The following WDR31 variants were observed in gnomAD, a reference collection of about 807,000 sequenced individuals.
The protein encoded by WDR31 is WD repeat-containing protein 31.
WDR31 carries 30 observed loss-of-function variants against 47.3 expected under a neutral mutation model. The observed-to-expected ratio is 0.63, with a 90% CI of 0.47 to 0.86. The LOEUF (loss-of-function observed/expected upper bound fraction) is 0.86. Among genes scored for constraint, WDR31 ranks in the 40% least tolerant of loss-of-function variants. The pLI, the probability that WDR31 is intolerant of heterozygous loss-of-function variation, is 0.00. For synonymous variants in WDR31, 137 were observed against 159.4 expected, an observed-to-expected ratio of 0.86 and a Z score of 1.06; for missense variants, 406 against 442.9, an observed-to-expected ratio of 0.92 and a Z score of 0.75.
chr9:113,339,341 C>G (rs1395939338), intron 1 of WDR31, among the ~76,000 whole-genome samples: 1 of 152,182 alleles, frequency 6.6e-6, no homozygotes, highest in Non-Finnish European at 1.5e-5. Context: ...GCCGGGTGGA[C>G]TGGACCTTAT....
chr9:113,338,617 AT>A (rs35905911), intron 1 of WDR31, among the ~76,000 whole-genome samples: 45,418 of 138,844 alleles, frequency 0.33, 7,857 homozygotes, highest in South Asian at 0.44. Flanking sequence ...GTGGTACGCT[AT>A]TTTTTTTTTT....
At chr9:113,323,783 T>G (rs1236007971) in intron 5 of WDR31, among the ~76,000 whole-genome samples, 2 of 152,248 alleles carry the variant, frequency 1.3e-5, no homozygotes, top group African/African-American at 4.8e-5. Flanking sequence ...AACTTCCTCC[T>G]GTGGGATTCC....
chr9:113,320,111 G>T (rs1833292008), intron 9 of WDR31, among the ~76,000 whole-genome samples: 2 of 152,056 alleles, frequency 1.3e-5, no homozygotes, highest in South Asian at 2.1e-4. Context: ...ATAGAGACAG[G>T]GTCTTGCTCT....
At chr9:113,326,698 T>C (rs1045699464) in intron 5 of WDR31, among the ~76,000 whole-genome samples, 6 of 152,172 alleles carry the variant, frequency 3.9e-5, no homozygotes, top group African/African-American at 1.4e-4. Flanking sequence ...GGTCTTGAAC[T>C]CCTGAGCTCA....
chr9:113,329,169 C>T (rs1247804887), intron 4 of WDR31, among the ~76,000 whole-genome samples: 2 of 152,206 alleles, frequency 1.3e-5, no homozygotes, highest in African/African-American at 4.8e-5. Flanking sequence ...TCTCTGTCTC[C>T]CTCCGACACT....
chr9:113,334,420 A>G (rs1833672186), intron 2 of WDR31, among the ~76,000 whole-genome samples: 1 of 152,212 alleles, frequency 6.6e-6, no homozygotes, highest in African/African-American at 2.4e-5. Context: ...TTTGGAAAGT[A>G]TATTTATTTT....
intron 2 of WDR31, among the ~76,000 whole-genome samples, chr9:113,335,960 C>T (rs1331640610): frequency 2.6e-5 from 4 of 152,202 alleles, no homozygotes; most frequent in Non-Finnish European, 5.9e-5. Flanking sequence ...AGGTCCCTTC[C>T]ACTTCAGATA....
chr9:113,336,475 G>C (rs1833717789), intron 1 of WDR31, 35 bp from the exon 2 acceptor site: 1 of 152,166 alleles, frequency 6.6e-6, no homozygotes, highest in Non-Finnish European at 1.5e-5. Flanking sequence ...TAAAGACCTT[G>C]TTTATTAAAG....
chr9:113,328,367 T>G (rs2118826468), intron 5 of WDR31, among the ~76,000 whole-genome samples: 1 of 152,340 alleles, frequency 6.6e-6, no homozygotes, highest in African/African-American at 2.4e-5. Flanking sequence ...TAATTTTTGG[T>G]TCATTTAGGC....
At position 113,318,469 on chromosome 9, in the gene WDR31, G is replaced by C. The variant is rs1427365334; in HGVS notation, c.943+6C>G. 2.5e-6 allele frequency: 4 copies of C among 1,614,058 alleles called. No individual in the cohort carries two copies. The highest frequency in any genetic ancestry group is 3.4e-6 in the Non-Finnish European group (4 of 1,180,034). ...TTTTGAGGAGAACTAACAGCAGGCT[G>C]CTTACCTCCAGTATCTTGGTTCCAA... is the stretch of plus-strand genomic sequence containing the variant. On this transcript the variant is annotated splice_donor_region_variant and intron_variant, in intron 10 of 10. Coordinates refer to ENST00000374193, the MANE Select transcript of WDR31 (RefSeq NM_001012361.4).
chr9:113,314,021 G>T lies in WDR31; in HGVS notation c.*2728C>A, dbSNP rs1010389882. ...AAAAACACAAAAAAATTAGCCGGGC[G>T]TGATGGCGGGCGCCTGTAGTCCCAG... On this transcript the variant is annotated 3_prime_UTR_variant, in exon 11 of 11. Coordinates refer to ENST00000374193, the MANE Select transcript of WDR31 (RefSeq NM_001012361.4). 6.6e-6 allele frequency: 1 copy of T among 151,796 alleles called. No homozygotes were observed. Among genetic ancestry groups the T allele is most frequent in the East Asian group, 2.0e-4 (1 of 5,052 alleles). 9.4% of individuals were successfully genotyped at this position (151,796 alleles called of 1,614,324 possible).
At chr9:113,331,673 C>G (rs1015605350) in intron 3 of WDR31, among the ~76,000 whole-genome samples, 1 of 152,180 alleles carries the variant, frequency 6.6e-6, no homozygotes, top group Admixed American at 6.5e-5. Context: ...TCTCAAACTA[C>G]TGAGCTCAAG....
chr9:113,328,549 T>C (rs1416621321), intron 5 of WDR31, among the ~76,000 whole-genome samples: 1 of 152,214 alleles, frequency 6.6e-6, no homozygotes, highest in Non-Finnish European at 1.5e-5. Context: ...ATTTTGTCAC[T>C]TTCCTAGCTA....
chr9:113,320,860 T>G (rs1833312557), intron 8 of WDR31, among the ~76,000 whole-genome samples: 1 of 152,230 alleles, frequency 6.6e-6, no homozygotes, highest in Non-Finnish European at 1.5e-5. Flanking sequence ...AGATACTTAT[T>G]ATGATATGGG....
rs1418034852 is a variant in WDR31, at chr9:113,330,971, C to T, written c.249+13G>A. 6.3e-7 allele frequency: 1 copy of T among 1,592,748 alleles called. No homozygotes were observed. Among genetic ancestry groups the T allele is most frequent in the Admixed American group, 1.7e-5 (1 of 57,674 alleles). ...AATAAAGTTCATTTCCCGGGAAACA[C>T]TGCAAACCCCACCTTATCTTTCCCT... is the stretch of plus-strand genomic sequence containing the variant. On this transcript the variant is annotated intron_variant, in intron 4 of 10. Transcript: ENST00000374193.
intron 9 of WDR31, 89 bp downstream of exon 9, chr9:113,320,268 C>T (rs1833295590): frequency 6.0e-6 from 9 of 1,508,626 alleles, no homozygotes; most frequent in South Asian, 3.9e-5. Flanking sequence ...TAGCAAAGCC[C>T]GCCTGTGTAG....
At chr9:113,320,235 C>T (rs1564296968) in intron 9 of WDR31, 122 bp downstream of exon 9, 5 of 1,302,574 alleles carry the variant, frequency 3.8e-6, no homozygotes, top group Non-Finnish European at 4.2e-6. Flanking sequence ...TCACAGTATG[C>T]TTTTGAAAGA....
chr9:113,337,291 G>A (rs568111069), intron 1 of WDR31, among the ~76,000 whole-genome samples: 1 of 152,056 alleles, frequency 6.6e-6, no homozygotes, highest in South Asian at 2.1e-4. Flanking sequence ...ACCAGGAACT[G>A]CTCTATGTTT....
At chr9:113,322,985 T>C (rs749311249) in intron 6 of WDR31, 26 bp downstream of exon 6, 2 of 1,613,676 alleles carry the variant, frequency 1.2e-6, no homozygotes, top group South Asian at 1.1e-5. Context: ...CACAAAGGCA[T>C]TGGGAAGAGG....
Sources: gnomAD v4.1 joint callset for allele counts (sites outside exome capture counted in the v4.1 genomes callset) on GRCh38, gnomAD v4.1.1 for gene constraint, MANE v1.5 for transcripts, NCBI Gene and HGNC (gene_info 2026-07-23, HGNC 2026-07-21) for gene names.